Variants in NOX1 observed in about 807,000 individuals in gnomAD.
NOX1 encodes the protein NADPH oxidase 1.
A neutral mutation model predicts 42.5 loss-of-function variants in NOX1; 34 were observed. That is an observed-to-expected ratio of 0.80 (90% CI 0.61 to 1.07). NOX1 has a LOEUF of 1.07. NOX1 is among the 50% of genes least tolerant of loss of function. The pLI is 0.00. For missense variants in NOX1, 408 were observed against 427.0 expected (o/e 0.96, Z 0.39); for synonymous variants, 143 against 152.5 (o/e 0.94, Z 0.46).
intron 7 of NOX1, 86 bp downstream of exon 7, chrX:100,862,085 G>A: frequency 9.9e-7 from 1 of 1,012,774 alleles, no homozygotes; most frequent in Non-Finnish European, 1.4e-6. Context: ...TAATAATAAT[G>A]ATGATAATAA....
intron 2 of NOX1, among the ~76,000 whole-genome samples, chrX:100,864,578 G>A (rs1384488820): frequency 1.8e-5 from 2 of 111,835 alleles, no homozygotes; most frequent in African/African-American, 6.5e-5. Flanking sequence ...GATTTCCTTG[G>A]GTGGCCAGGC....
chrX:100,844,934 T>A (rs918540185), intron 12 of NOX1, among the ~76,000 whole-genome samples: 1 of 112,092 alleles, frequency 8.9e-6, no homozygotes, highest in Non-Finnish European at 1.9e-5. Context: ...ACCTCAAAAT[T>A]TCTCCTAGTG....
At chrX:100,864,934 A>C (rs1271220304) in intron 2 of NOX1, among the ~76,000 whole-genome samples, 2 of 112,381 alleles carry the variant, frequency 1.8e-5, no homozygotes, top group Non-Finnish European at 3.8e-5. Context: ...GTATGGGTTA[A>C]GGTTAACAAT....
intron 7 of NOX1, among the ~76,000 whole-genome samples, chrX:100,852,226 T>C (rs765146179): frequency 8.9e-6 from 1 of 112,021 alleles, no homozygotes; most frequent in African/African-American, 3.2e-5. Context: ...CCCAGCACCT[T>C]GGGAAGCCAA....
chrX:100,873,779 G>C (rs1180029389), intron 1 of NOX1, among the ~76,000 whole-genome samples: 2 of 111,506 alleles, frequency 1.8e-5, no homozygotes, highest in Non-Finnish European at 3.8e-5. Context: ...ATCTTGATGG[G>C]ACCAGTATAG....
chrX:100,848,873 C>G, intron 11 of NOX1, 119 bp from the exon 12 acceptor site: 1 of 669,815 alleles, frequency 1.5e-6, no homozygotes, highest in Admixed American at 3.1e-5. Context: ...GTCAGGAGTT[C>G]GAGACTAGCC....
chrX:100,863,084 G>T, intron 4 of NOX1, 75 bp downstream of exon 4: 1 of 779,494 alleles, frequency 1.3e-6, no homozygotes, highest in Non-Finnish European at 2.0e-6. Flanking sequence ...TTTTTTGAAT[G>T]TGCATATGGA....
Position 100,863,216 on chromosome X carries a change from A to C in NOX1, c.280T>G (p.Leu94Val). Residue 94 changes from leucine to valine, a missense_variant, in exon 4 of 13, where the codon TTG becomes GTG. Coordinates refer to ENST00000372966, the MANE Select transcript of NOX1 (RefSeq NM_007052.5). ...TTGTGGAAGGTGAGGTTGTGATCCAATTGCTTTCTCAGTGTGCGGCTGCAA... is the reference window on the plus strand; with the variant it reads ...TTGTGGAAGGTGAGGTTGTGATCCACTTGCTTTCTCAGTGTGCGGCTGCAA... ...SFCSRTLRKQ[L>V]DHNLTFHKLV... 1 of 1,207,248 alleles carries C rather than the reference A, an allele frequency of 8.3e-7. No homozygotes were observed. Among genetic ancestry groups the C allele is most frequent in the South Asian group, 1.8e-5 (1 of 56,844 alleles).
At chrX:100,845,547 A>G (rs1390902064) in intron 12 of NOX1, among the ~76,000 whole-genome samples, 1 of 103,790 alleles carries the variant, frequency 9.6e-6, no homozygotes, top group Non-Finnish European at 2.0e-5. Flanking sequence ...GTGTAGACAT[A>G]TATTTTCATT....
intron 2 of NOX1, among the ~76,000 whole-genome samples, chrX:100,866,581 C>T (rs1258670847): frequency 9.1e-6 from 1 of 109,857 alleles, no homozygotes; most frequent in Non-Finnish European, 1.9e-5. Flanking sequence ...CTTCTATTCG[C>T]TTGGTGCAAA....
rs1014322522 is a variant in NOX1 at position 100,850,008 on chromosome X, T to A, written c.1134-74A>T. 4 of 1,055,363 alleles carry A rather than the reference T, an allele frequency of 3.8e-6. No individual in the cohort carries two copies. In the African/African-American group the frequency reaches 7.6e-5, roughly 20 times the overall value. 87.0% of individuals were successfully genotyped at this position (1,055,363 alleles called of 1,213,427 possible). ...CCAACCTCAAACATCCTCCCAGAAA[T>A]ATAGTTGTTCTCATGGCTGACTTCT... On this transcript the variant is annotated intron_variant, in intron 9 of 12. Transcript: ENST00000372966.
At chrX:100,844,868 T>C (rs2085061918) in intron 12 of NOX1, among the ~76,000 whole-genome samples, 1 of 112,059 alleles carries the variant, frequency 8.9e-6, no homozygotes, top group Admixed American at 9.4e-5. Flanking sequence ...GCCTGGCACA[T>C]AGCAAGTACA....
At chrX:100,858,017 C>G (rs1477778291) in intron 7 of NOX1, among the ~76,000 whole-genome samples, 1 of 111,579 alleles carries the variant, frequency 9.0e-6, no homozygotes, top group Admixed American at 9.6e-5. Context: ...ATGGTATTGC[C>G]TAGGTTGTCT....
At chrX:100,866,324 G>A in intron 2 of NOX1, among the ~76,000 whole-genome samples, 1 of 111,229 alleles carries the variant, frequency 9.0e-6, no homozygotes, top group Non-Finnish European at 1.9e-5. Context: ...ACAAAAAGCT[G>A]TGTGTCTTAT....
At position 100,846,202 on chromosome X, in the gene NOX1, C is replaced by T. The variant is rs2085072251; in HGVS notation, c.1569-2124G>A. 3.6e-5 allele frequency among the ~76,000 whole-genome samples: 4 copies of T among 111,820 alleles called. No homozygotes were observed. The South Asian group carries it at 1.1e-3, about 31-fold the overall frequency. On this transcript the variant is annotated intron_variant, in intron 12 of 12. Transcript: ENST00000372966. ...TCCCAAAGTGCTGGGATTACAGGCG[C>T]GAGCCACCATGCCCAGCTGGAAACT...
At chrX:100,859,818 T>C (rs1373078762) in intron 7 of NOX1, among the ~76,000 whole-genome samples, 1 of 106,497 alleles carries the variant, frequency 9.4e-6, no homozygotes, top group Non-Finnish European at 1.9e-5. Context: ...CATTTCTGAT[T>C]GTGTTTTTTG....
At chrX:100,856,270 C>T (rs955750533) in intron 7 of NOX1, 8 of 891,979 alleles carry the variant, frequency 9.0e-6, no homozygotes, top group Non-Finnish European at 1.3e-5. Flanking sequence ...TGAGCATTCC[C>T]CATCACTCAT....
chrX:100,854,279 A>G (rs1410623584), intron 7 of NOX1, among the ~76,000 whole-genome samples: 1 of 112,312 alleles, frequency 8.9e-6, no homozygotes, highest in Non-Finnish European at 1.9e-5. Flanking sequence ...TTTCTACAAT[A>G]AATGTATATT....
In NOX1 at chrX:100,862,800, G is replaced by T; in HGVS notation, c.358C>A (p.Leu120Met). The T allele has an allele frequency of 8.3e-7, 1 of 1,199,552 alleles. No individual in the cohort carries two copies. Among genetic ancestry groups the T allele is most frequent in the East Asian group, 3.0e-5 (1 of 33,790 alleles). The stretch of plus-strand genomic sequence containing the variant: ...CTGCTATAGCAGTCAAAGTTAAACA[G>T]GTGTGCAATGATGTGAATAGCTAAA... ...LHTAIHIIAH[L>M]FNFDCYSRSR... The change falls in exon 5 of 13, where the codon CTG becomes ATG. Residue 120 changes from leucine (L) to methionine (M), a missense_variant. Transcript: ENST00000372966.
Sources: gnomAD v4.1 joint callset for allele counts (sites outside exome capture counted in the v4.1 genomes callset) on GRCh38, gnomAD v4.1.1 for gene constraint, MANE v1.5 for transcripts, NCBI Gene and HGNC (gene_info 2026-07-23, HGNC 2026-07-21) for gene names.